The following SKAP1 variants were observed in gnomAD, a reference collection of about 807,000 sequenced individuals.
SKAP1 encodes src kinase associated phosphoprotein 1.
A neutral mutation model predicts 58.5 loss-of-function variants in SKAP1; 44 were observed. The observed-to-expected ratio is 0.75, with a 90% CI of 0.59 to 0.97. The LOEUF is 0.97. SKAP1 is among the 50% of genes least tolerant of loss of function. SKAP1 has a pLI of 0.00. For missense variants in SKAP1, 390 were observed against 435.2 expected, an observed-to-expected ratio of 0.90 and a Z score of 0.92; for synonymous variants, 127 against 149.7, an observed-to-expected ratio of 0.85 and a Z score of 1.11.
chr17:48,422,540 A>G (rs1435171666), intron 1 of SKAP1, among the ~76,000 whole-genome samples: 1 of 152,212 alleles, frequency 6.6e-6, no homozygotes, highest in Non-Finnish European at 1.5e-5. Flanking sequence ...ATTACAGATC[A>G]AGAAACTGAG....
chr17:48,281,335 T>G (rs2065764412), intron 4 of SKAP1, among the ~76,000 whole-genome samples: 1 of 152,114 alleles, frequency 6.6e-6, no homozygotes, highest in Non-Finnish European at 1.5e-5. Flanking sequence ...AGAGCTCAAG[T>G]TTTAAAGCAC....
intron 10 of SKAP1, among the ~76,000 whole-genome samples, chr17:48,163,314 A>G (rs1416446832): frequency 6.6e-6 from 1 of 152,170 alleles, no homozygotes; most frequent in Admixed American, 6.5e-5. Flanking sequence ...AAGACGACAA[A>G]CCAAGCTTTA....
At chr17:48,373,727 T>G (rs1445294090) in intron 2 of SKAP1, among the ~76,000 whole-genome samples, 1 of 152,172 alleles carries the variant, frequency 6.6e-6, no homozygotes, top group Non-Finnish European at 1.5e-5. Flanking sequence ...GAAGAGTCTA[T>G]AGACCTCATT....
intron 1 of SKAP1, among the ~76,000 whole-genome samples, chr17:48,401,861 T>C (rs1567900307): frequency 6.6e-6 from 1 of 152,156 alleles, no homozygotes; most frequent in Non-Finnish European, 1.5e-5. Flanking sequence ...AGAAAAGCTT[T>C]TGCAAATCAT....
intron 9 of SKAP1, 95 bp downstream of exon 9, chr17:48,179,959 T>C: frequency 8.5e-7 from 1 of 1,178,188 alleles, no homozygotes; most frequent in South Asian, 1.6e-5. Flanking sequence ...AGGGTTAGAT[T>C]TGGCTTCCTT....
chr17:48,289,751 A>G (rs1353883317), intron 4 of SKAP1, among the ~76,000 whole-genome samples: 1 of 151,840 alleles, frequency 6.6e-6, no homozygotes, highest in Non-Finnish European at 1.5e-5. Context: ...TCCTTTCAGT[A>G]TTTTTATCTA....
intron 4 of SKAP1, among the ~76,000 whole-genome samples, chr17:48,256,642 A>C (rs2065426501): frequency 6.6e-6 from 1 of 152,042 alleles, no homozygotes; most frequent in Admixed American, 6.6e-5. Context: ...AATTTGATTC[A>C]TGAAGGAGCA....
At chr17:48,159,430 A>C (rs181409986) in intron 11 of SKAP1, among the ~76,000 whole-genome samples, 1 of 152,216 alleles carries the variant, frequency 6.6e-6, no homozygotes, top group South Asian at 2.1e-4. Context: ...CTAGATTCCT[A>C]AACAGCAGGC....
At chr17:48,306,121 T>C (rs929674838) in intron 4 of SKAP1, among the ~76,000 whole-genome samples, 1 of 152,162 alleles carries the variant, frequency 6.6e-6, no homozygotes, top group Non-Finnish European at 1.5e-5. Flanking sequence ...ATCTGACAAA[T>C]GTGTTAAAAA....
At chr17:48,226,118 T>C (rs2065065700) in intron 4 of SKAP1, among the ~76,000 whole-genome samples, 2 of 152,208 alleles carry the variant, frequency 1.3e-5, no homozygotes, top group Non-Finnish European at 1.5e-5. Flanking sequence ...TCTCTGTGGC[T>C]GACAGCCTGT....
chr17:48,320,462 T>C (rs1440521813), intron 4 of SKAP1, among the ~76,000 whole-genome samples: 1 of 152,206 alleles, frequency 6.6e-6, no homozygotes, highest in Non-Finnish European at 1.5e-5. Flanking sequence ...TTATAAATGT[T>C]AAATAAAAGT....
chr17:48,382,181 T>A (rs541493770), intron 2 of SKAP1, among the ~76,000 whole-genome samples: 138 of 137,564 alleles, frequency 1.0e-3, no homozygotes, highest in African/African-American at 3.4e-3. Context: ...CTATTATTCT[T>A]AAAAAAAAAA....
At position 48,246,354 on chromosome 17, in the gene SKAP1, A is replaced by G. The variant is rs117194951; in HGVS notation, c.281-56854T>C. On this transcript the variant is annotated intron_variant, in intron 4 of 12. Coordinates refer to ENST00000336915, the MANE Select transcript of SKAP1 (RefSeq NM_003726.4). ...CCGGACTATTTGGTGTTTCCTGAAC[A>G]CATTCTACATTTCCCCACACCTACA... Among the ~76,000 whole-genome samples, 125 of 152,314 alleles carry G rather than the reference A, an allele frequency of 8.2e-4. 2 individuals carry two copies. In the East Asian group the frequency reaches 0.022, roughly 26 times the overall value.
intron 4 of SKAP1, among the ~76,000 whole-genome samples, chr17:48,342,441 T>G (rs1187091815): frequency 7.5e-6 from 1 of 132,596 alleles, no homozygotes; most frequent in Non-Finnish European, 1.6e-5. Context: ...CTCTTTGTAG[T>G]TTTCACAAAG....
intron 2 of SKAP1, among the ~76,000 whole-genome samples, chr17:48,387,899 G>A (rs2067297822): frequency 6.6e-6 from 1 of 152,018 alleles, no homozygotes. Context: ...ATAATTGCTG[G>A]TTTAGAAGTT....
chr17:48,261,510 T>G (rs2065484046), intron 4 of SKAP1, among the ~76,000 whole-genome samples: 1 of 152,160 alleles, frequency 6.6e-6, no homozygotes, highest in African/African-American at 2.4e-5. Context: ...TATTGGAGGA[T>G]GTACTCACAG....
intron 1 of SKAP1, among the ~76,000 whole-genome samples, chr17:48,426,264 A>G (rs934192328): frequency 1.3e-5 from 2 of 152,242 alleles, no homozygotes; most frequent in Admixed American, 1.3e-4. Context: ...CAGAATCAGC[A>G]TTAACACAGC....
At chr17:48,142,755 T>TTAAATAAC (rs1217231956) in intron 11 of SKAP1, among the ~76,000 whole-genome samples, 1 of 152,138 alleles carries the variant, frequency 6.6e-6, no homozygotes, top group Non-Finnish European at 1.5e-5. Flanking sequence ...AAAATCAGCC[T>TTAAATAAC]TAAATAACTA....
At position 48,195,047 on chromosome 17, in the gene SKAP1, C is replaced by T. The variant is rs138119190; in HGVS notation, c.281-5547G>A. The stretch of plus-strand genomic sequence containing the variant: ...AACACAAACACACGCTTTAAAATGC[C>T]TCAAATGTACCAAGGTGAGGAGGGT... On this transcript the variant is annotated intron_variant, in intron 4 of 12. Transcript: ENST00000336915. 5.3e-5 allele frequency among the ~76,000 whole-genome samples: 8 copies of T among 152,236 alleles called. No individual in the cohort carries two copies. The East Asian group carries it at 1.5e-3, about 29-fold the overall frequency.
Sources: allele counts gnomAD v4.1 joint callset (sites outside exome capture counted in the v4.1 genomes callset), GRCh38; gene constraint gnomAD v4.1.1; transcripts MANE v1.5; gene names NCBI Gene and HGNC (gene_info 2026-07-23, HGNC 2026-07-21).